The following SLC35F1 variants were observed in gnomAD, a reference collection of about 807,000 sequenced individuals.
SLC35F1 encodes chromosome 6 open reading frame 169.
In SLC35F1, 14 loss-of-function variants were observed where a neutral mutation model predicts 48.7. The observed-to-expected ratio is 0.29, with a 90% CI of 0.19 to 0.45. The LOEUF (loss-of-function observed/expected upper bound fraction) is 0.45. SLC35F1 is among the 20% of genes least tolerant of loss of function. The probability of loss-of-function intolerance (pLI) is 1.00; values close to 1 mark genes in which losing one functional copy is unlikely to be tolerated. For missense variants in SLC35F1, 404 were observed against 500.0 expected (o/e 0.81, Z 1.83); for synonymous variants, 190 against 202.2 (o/e 0.94, Z 0.51).
chr6:117,953,545 A>G (rs571770387), intron 1 of SLC35F1, among the ~76,000 whole-genome samples: 2 of 152,232 alleles, frequency 1.3e-5, no homozygotes, highest in South Asian at 2.1e-4. Flanking sequence ...CCACTTACCA[A>G]TCCCTGAAAA....
intron 2 of SLC35F1, among the ~76,000 whole-genome samples, chr6:118,198,891 T>C (rs1170194189): frequency 6.6e-6 from 1 of 152,204 alleles, no homozygotes; most frequent in East Asian, 1.9e-4. Context: ...TTAGAATGAA[T>C]TCCAGTGATA....
At chr6:118,189,072 T>C (rs1374153022) in intron 2 of SLC35F1, among the ~76,000 whole-genome samples, 1 of 152,060 alleles carries the variant, frequency 6.6e-6, no homozygotes, top group Non-Finnish European at 1.5e-5. Context: ...CCACCATGCC[T>C]GGCTAGTTTT....
chr6:118,226,787 C>T (rs958690904), intron 2 of SLC35F1, among the ~76,000 whole-genome samples: 4 of 151,998 alleles, frequency 2.6e-5, no homozygotes, highest in African/African-American at 7.3e-5. Flanking sequence ...TTTGATAGCT[C>T]ATTATAATTA....
intron 1 of SLC35F1, among the ~76,000 whole-genome samples, chr6:118,081,476 T>TAA (rs201156652): frequency 7.8e-4 from 117 of 150,362 alleles, no homozygotes; most frequent in Non-Finnish European, 1.3e-3. Context: ...ACAAAAAATT[T>TAA]TAAAAAAAAA....
intron 1 of SLC35F1, among the ~76,000 whole-genome samples, chr6:118,006,754 G>A (rs888035432): frequency 6.6e-6 from 1 of 151,886 alleles, no homozygotes. Context: ...AGTATGTAAA[G>A]TACACACAAT....
chr6:118,200,385 A>G (rs1182053422), intron 2 of SLC35F1, among the ~76,000 whole-genome samples: 4 of 152,174 alleles, frequency 2.6e-5, no homozygotes, highest in African/African-American at 9.7e-5. Flanking sequence ...ACTAAGTGGA[A>G]ACACCAGGAG....
intron 1 of SLC35F1, among the ~76,000 whole-genome samples, chr6:118,131,290 T>A (rs1485631191): frequency 6.6e-6 from 1 of 152,212 alleles, no homozygotes; most frequent in African/African-American, 2.4e-5. Flanking sequence ...TATGCAGTTG[T>A]AGTCAAAGCA....
At chr6:118,201,040 T>G (rs546221222) in intron 2 of SLC35F1, among the ~76,000 whole-genome samples, 3 of 152,240 alleles carry the variant, frequency 2.0e-5, no homozygotes, top group African/African-American at 7.2e-5. Context: ...GCCCCCCAAG[T>G]AGCTGGGACT....
intron 2 of SLC35F1, among the ~76,000 whole-genome samples, chr6:118,187,789 A>T (rs975522334): frequency 1.3e-5 from 2 of 152,076 alleles, no homozygotes; most frequent in Non-Finnish European, 2.9e-5. Context: ...CAAAGGGGAA[A>T]CTCCTCCTAG....
chr6:118,145,013 T>C (rs1773950920), intron 1 of SLC35F1, among the ~76,000 whole-genome samples: 1 of 152,224 alleles, frequency 6.6e-6, no homozygotes, highest in African/African-American at 2.4e-5. Flanking sequence ...TACAATTCAA[T>C]GGTTTTTAGT....
intron 1 of SLC35F1, among the ~76,000 whole-genome samples, chr6:117,956,139 T>TA (rs1776423950): frequency 6.6e-6 from 1 of 152,236 alleles, no homozygotes; most frequent in African/African-American, 2.4e-5. Flanking sequence ...CCAGGCCTAC[T>TA]ATTACATGTC....
At chr6:118,085,926 G>A in intron 1 of SLC35F1, among the ~76,000 whole-genome samples, 1 of 151,982 alleles carries the variant, frequency 6.6e-6, no homozygotes, top group East Asian at 1.9e-4. Flanking sequence ...GACTTCTGAT[G>A]ATCAAATTTC....
intron 1 of SLC35F1, among the ~76,000 whole-genome samples, chr6:117,930,035 T>C (rs931614238): frequency 1.3e-5 from 2 of 152,316 alleles, no homozygotes; most frequent in Middle Eastern, 3.4e-3. Context: ...TTGCCCAAAG[T>C]CACATAGATA....
intron 2 of SLC35F1, among the ~76,000 whole-genome samples, chr6:118,230,987 C>T (rs535426909): frequency 1.5e-4 from 23 of 152,068 alleles, no homozygotes; most frequent in Non-Finnish European, 2.6e-4. Context: ...AAAAACACCC[C>T]CCACAAACAA....
At chr6:118,022,798 T>C (rs1259518358) in intron 1 of SLC35F1, among the ~76,000 whole-genome samples, 1 of 148,480 alleles carries the variant, frequency 6.7e-6, no homozygotes, top group Non-Finnish European at 1.5e-5. Context: ...TCGCCCAGGC[T>C]GGAGTGCAGT....
At chr6:117,921,678 A>G (rs1775901405) in intron 1 of SLC35F1, among the ~76,000 whole-genome samples, 1 of 152,116 alleles carries the variant, frequency 6.6e-6, no homozygotes, top group African/African-American at 2.4e-5. Context: ...ATCATTTGCA[A>G]CTCTTAGGCT....
chr6:118,273,317 A>T (rs1775881800), intron 4 of SLC35F1, among the ~76,000 whole-genome samples: 1 of 152,164 alleles, frequency 6.6e-6, no homozygotes, highest in East Asian at 1.9e-4. Context: ...AGGTAGATTG[A>T]TGCTTCCCTA....
intron 1 of SLC35F1, among the ~76,000 whole-genome samples, chr6:118,103,591 G>T (rs1029107795): frequency 3.3e-5 from 5 of 152,208 alleles, no homozygotes; most frequent in Admixed American, 3.3e-4. Flanking sequence ...CCACAGAAAT[G>T]GTAGGAGGCT....
At chr6:118,253,952 T>C (rs1183527719) in intron 3 of SLC35F1, among the ~76,000 whole-genome samples, 1 of 151,502 alleles carries the variant, frequency 6.6e-6, no homozygotes, top group East Asian at 2.0e-4. Flanking sequence ...CCAGGACTTG[T>C]ATGGTGAAGG....
Sources: gnomAD v4.1 joint callset for allele counts (sites outside exome capture counted in the v4.1 genomes callset) on GRCh38, gnomAD v4.1.1 for gene constraint, MANE v1.5 for transcripts, NCBI Gene and HGNC (gene_info 2026-07-23, HGNC 2026-07-21) for gene names.